Variants in CEP192 observed in about 807,000 individuals in gnomAD.
The protein encoded by CEP192 is centrosomal protein 192.
A neutral mutation model predicts 271.8 loss-of-function variants in CEP192; 151 were observed. The ratio of observed to expected loss-of-function variants is 0.56; its 90% CI spans 0.49 to 0.64. The LOEUF (loss-of-function observed/expected upper bound fraction) is 0.64, where lower values mean the gene tolerates loss of function less well. Among genes scored for constraint, CEP192 ranks in the 30% least tolerant of loss-of-function variants. The pLI is 0.00. For synonymous variants in CEP192, 995 were observed against 1,076.5 expected, an observed-to-expected ratio of 0.92 and a Z score of 1.48; for missense variants, 2,910 against 3,020.5, an observed-to-expected ratio of 0.96 and a Z score of 0.86.
Position 13,087,262 on chromosome 18 carries a change from G to T in CEP192, c.5862G>T (p.Lys1954Asn). 1 of 1,602,938 alleles carries T rather than the reference G, an allele frequency of 6.2e-7. No homozygotes were observed. The highest frequency in any genetic ancestry group is 1.1e-5 in the South Asian group (1 of 90,034). ...TTTTTCCAGATAAATTTGTACTCAAGGAAAGAACACAAGAAGTAAGTACAA... is the reference window on the plus strand; with the variant it reads ...TTTTTCCAGATAAATTTGTACTCAATGAAAGAACACAAGAAGTAAGTACAA... The part of the protein sequence containing the change: ...LRIFPDKFVL[K>N]ERTQENVTLI... Residue 1954 changes from lysine to asparagine, a missense_variant, in exon 31 of 45, where the codon AAG (lysine) becomes AAT (asparagine). Transcript: ENST00000506447.
At chr18:13,110,295 G>A (rs1302955357) in intron 40 of CEP192, among the ~76,000 whole-genome samples, 35 of 152,126 alleles carry the variant, frequency 2.3e-4, no homozygotes, top group Non-Finnish European at 1.5e-5. Flanking sequence ...GAACAAAATT[G>A]GAGGATTCAC....
At chr18:13,108,848 C>T (rs145777008) in intron 40 of CEP192, among the ~76,000 whole-genome samples, 42 of 152,264 alleles carry the variant, frequency 2.8e-4, no homozygotes, top group African/African-American at 9.9e-4. Flanking sequence ...GCACTCCAGC[C>T]TGTGTGACAG....
intron 17 of CEP192, 58 bp downstream of exon 17, chr18:13,049,949 GA>G (rs11441028): frequency 2.2e-5 from 29 of 1,339,562 alleles, no homozygotes; most frequent in Middle Eastern, 1.9e-4. Flanking sequence ...TAGGAACTGG[GA>G]AAAAAATGTG....
intron 9 of CEP192, among the ~76,000 whole-genome samples, chr18:13,023,284 T>C (rs1399610476): frequency 6.6e-6 from 1 of 152,206 alleles, no homozygotes. Context: ...TAGTATGATG[T>C]TGAAAAGTAG....
chr18:13,072,948 A>G, intron 29 of CEP192, 61 bp from the exon 30 acceptor site: 8 of 1,553,178 alleles, frequency 5.2e-6, no homozygotes, highest in Middle Eastern at 1.7e-4. Context: ...ATCTGTGTTA[A>G]TGGTATGTTT....
chr18:13,090,389 A>T (rs1170999532), intron 33 of CEP192, among the ~76,000 whole-genome samples: 1 of 152,250 alleles, frequency 6.6e-6, no homozygotes, highest in South Asian at 2.1e-4. Flanking sequence ...TATTACATAT[A>T]TATTTACATA....
In CEP192 at chr18:13,100,277, G is replaced by A. The variant is rs1297374873; in HGVS notation, c.6664-28G>A. On this transcript the variant is annotated intron_variant, in intron 37 of 44. Coordinates refer to ENST00000506447, the MANE Select transcript of CEP192 (RefSeq NM_032142.4). ...GTTTAAAGTGATAGATACGTTTGTA[G>A]CTTATCCCTTTATTTGGCTCATTTC... The A allele has an allele frequency of 2.6e-6, 4 of 1,513,800 alleles. No individual in the cohort carries two copies. The South Asian group carries it at 4.5e-5, about 17-fold the overall frequency. 93.8% of individuals were successfully genotyped at this position (1,513,800 alleles called of 1,614,324 possible).
chr18:13,019,490 C>T, intron 9 of CEP192, among the ~76,000 whole-genome samples: 1 of 152,120 alleles, frequency 6.6e-6, no homozygotes, highest in Non-Finnish European at 1.5e-5. Flanking sequence ...GGATCTTTTA[C>T]CTTGCTCAAA....
intron 18 of CEP192, among the ~76,000 whole-genome samples, 180 bp from the exon 19 acceptor site, chr18:13,055,600 A>T (rs2037051744): frequency 6.6e-6 from 1 of 152,124 alleles, no homozygotes; most frequent in Non-Finnish European, 1.5e-5. Flanking sequence ...ACAAGCACAA[A>T]TTTTCTAATT....
At chr18:13,074,513 T>C (rs1256353610) in intron 30 of CEP192, among the ~76,000 whole-genome samples, 5 of 152,176 alleles carry the variant, frequency 3.3e-5, no homozygotes, top group Non-Finnish European at 7.3e-5. Context: ...GATTTTGAGG[T>C]TGTTCTCAAG....
chr18:13,096,415 C>G lies in CEP192; in HGVS notation c.6557+108C>G. The G allele has an allele frequency of 3.5e-6, 5 of 1,414,378 alleles. No homozygotes were observed. In the African/African-American group the frequency reaches 5.7e-5, roughly 16 times the overall value. 87.6% of individuals were successfully genotyped at this position (1,414,378 alleles called of 1,614,324 possible). On this transcript the variant is annotated intron_variant, in intron 36 of 44. Coordinates refer to ENST00000506447, the MANE Select transcript of CEP192 (RefSeq NM_032142.4). ...TAGTTTATCCAGTTGAATTTTGCACCGTGCTGACTCTGCACAAAGCATGTG... is the reference window on the plus strand; with the variant it reads ...TAGTTTATCCAGTTGAATTTTGCACGGTGCTGACTCTGCACAAAGCATGTG...
intron 21 of CEP192, among the ~76,000 whole-genome samples, chr18:13,064,762 A>G (rs1011510974): frequency 1.3e-5 from 2 of 151,946 alleles, no homozygotes; most frequent in African/African-American, 4.8e-5. Flanking sequence ...AAGTTAGGTA[A>G]TGTGATTCCT....
intron 44 of CEP192, among the ~76,000 whole-genome samples, chr18:13,118,399 G>A (rs910697962): frequency 6.6e-6 from 1 of 152,332 alleles, no homozygotes; most frequent in Admixed American, 6.5e-5. Context: ...CACTTACTAA[G>A]ACCAGCGGTG....
Position 13,012,998 on chromosome 18 carries a change from G to C in CEP192, c.492G>C (p.Gln164His). Residue 164 changes from glutamine to histidine, a missense_variant, in exon 5 of 45, where the codon CAG becomes CAC. Physicochemically the swap from Gln to His is conservative, Grantham distance 24. Transcript: ENST00000506447. ...AQDSPIDFHL[Q>H]SWMNNKEPKI... ...ACTCACCTATTGATTTTCATTTACA[G>C]TCATGGATGAATAATAAGGAACCCA... 1 of 1,515,384 alleles carries C rather than the reference G, an allele frequency of 6.6e-7. No homozygotes were observed. The highest frequency in any genetic ancestry group is 9.0e-7 in the Non-Finnish European group (1 of 1,116,304). 93.9% of individuals were successfully genotyped at this position (1,515,384 alleles called of 1,614,324 possible).
intron 9 of CEP192, among the ~76,000 whole-genome samples, chr18:13,022,288 A>G (rs879791521): frequency 6.6e-6 from 1 of 152,108 alleles, no homozygotes; most frequent in Non-Finnish European, 1.5e-5. Context: ...ATGAAATTGG[A>G]CAGTGTCTTC....
intron 14 of CEP192, among the ~76,000 whole-genome samples, 187 bp downstream of exon 14, chr18:13,041,143 A>G (rs921568001): frequency 1.3e-5 from 2 of 152,212 alleles, no homozygotes; most frequent in African/African-American, 2.4e-5. Flanking sequence ...AGTGGAAACA[A>G]GTCAGCCAAA....
intron 9 of CEP192, among the ~76,000 whole-genome samples, chr18:13,023,178 T>C (rs1238547175): frequency 6.6e-6 from 1 of 152,200 alleles, no homozygotes; most frequent in African/African-American, 2.4e-5. Flanking sequence ...TCTTGTCTTA[T>C]TGCATTAGAT....
intron 32 of CEP192, among the ~76,000 whole-genome samples, chr18:13,087,994 T>G (rs959443044): frequency 6.6e-6 from 1 of 152,180 alleles, no homozygotes; most frequent in African/African-American, 2.4e-5. Flanking sequence ...ATAAAAGATT[T>G]AAGAACTACT....
intron 1 of CEP192, among the ~76,000 whole-genome samples, chr18:12,994,969 G>T (rs1346453346): frequency 6.6e-6 from 1 of 152,060 alleles, no homozygotes; most frequent in South Asian, 2.1e-4. Flanking sequence ...GCCATGAAGG[G>T]AAGGTGAGAA....
Sources: gnomAD v4.1 joint callset for allele counts (sites outside exome capture counted in the v4.1 genomes callset) on GRCh38, gnomAD v4.1.1 for gene constraint, MANE v1.5 for transcripts, NCBI Gene and HGNC (gene_info 2026-07-23, HGNC 2026-07-21) for gene names.